The following SGCZ variants were observed in gnomAD, a reference collection of about 807,000 sequenced individuals.
The protein encoded by SGCZ is zeta-sarcoglycan.
Under a neutral mutation model 41.3 loss-of-function variants are expected in SGCZ, and 40 were observed. The ratio of observed to expected loss-of-function variants is 0.97; its 90% CI spans 0.75 to 1.26. SGCZ has a LOEUF of 1.26. Ranked by LOEUF, SGCZ falls within the 50% of genes most tolerant of loss-of-function variation. SGCZ has a pLI of 0.00. For synonymous variants in SGCZ, 206 were observed against 137.5 expected (o/e 1.50, Z -3.49); for missense variants, 552 against 369.8 (o/e 1.49, Z -4.04).
At chr8:15,228,492 T>C (rs1801844550) in intron 1 of SGCZ, among the ~76,000 whole-genome samples, 2 of 152,180 alleles carry the variant, frequency 1.3e-5, no homozygotes, top group Admixed American at 6.5e-5. Flanking sequence ...AAGCACCTGA[T>C]GAAAACATTG....
intron 2 of SGCZ, among the ~76,000 whole-genome samples, chr8:14,417,149 A>G (rs1467962376): frequency 6.6e-6 from 1 of 151,824 alleles, no homozygotes; most frequent in Admixed American, 6.6e-5. Context: ...CTTCTTAGAG[A>G]TAAAACTGAC....
chr8:14,687,510 C>T (rs549011685), intron 1 of SGCZ, among the ~76,000 whole-genome samples: 1 of 151,928 alleles, frequency 6.6e-6, no homozygotes, highest in East Asian at 1.9e-4. Context: ...CATGTCCCTA[C>T]AAAGGACATG....
chr8:14,381,236 C>G (rs996152354), intron 2 of SGCZ, among the ~76,000 whole-genome samples: 16 of 152,218 alleles, frequency 1.1e-4, no homozygotes, highest in African/African-American at 2.9e-4. Flanking sequence ...TACAAAGCTT[C>G]TTGAACAAAG....
intron 3 of SGCZ, among the ~76,000 whole-genome samples, chr8:14,259,932 C>T (rs575717235): frequency 1.3e-5 from 2 of 152,262 alleles, no homozygotes; most frequent in African/African-American, 4.8e-5. Context: ...ATTGATTCTT[C>T]CTACCCATGA....
chr8:15,124,731 AC>A (rs1418083289), intron 1 of SGCZ, among the ~76,000 whole-genome samples: 2 of 152,208 alleles, frequency 1.3e-5, no homozygotes, highest in African/African-American at 4.8e-5. Context: ...AGGTCTAAAT[AC>A]TGGCAAGAAA....
chr8:14,696,335 A>G (rs112974495), intron 1 of SGCZ, among the ~76,000 whole-genome samples: 2 of 152,228 alleles, frequency 1.3e-5, no homozygotes, highest in East Asian at 3.9e-4. Context: ...CACTGAACGC[A>G]AAGATTCTCC....
chr8:14,495,819 T>C (rs926303663), intron 2 of SGCZ, among the ~76,000 whole-genome samples: 27 of 152,090 alleles, frequency 1.8e-4, no homozygotes, highest in African/African-American at 6.3e-4. Context: ...ATCCAAAAGC[T>C]ATGGGCCTAA....
intron 1 of SGCZ, among the ~76,000 whole-genome samples, chr8:15,140,266 C>A (rs1050679361): frequency 6.6e-6 from 1 of 152,150 alleles, no homozygotes; most frequent in African/African-American, 2.4e-5. Context: ...CTCAAGTGAT[C>A]CTCCCACATT....
At chr8:14,235,069 A>G (rs368082246) in intron 4 of SGCZ, among the ~76,000 whole-genome samples, 4 of 152,196 alleles carry the variant, frequency 2.6e-5, no homozygotes, top group African/African-American at 9.7e-5. Context: ...GACACTGACA[A>G]CACCATACTT....
intron 1 of SGCZ, among the ~76,000 whole-genome samples, chr8:14,666,845 C>T (rs1238824907): frequency 6.6e-6 from 1 of 151,984 alleles, no homozygotes; most frequent in Non-Finnish European, 1.5e-5. Flanking sequence ...TAGTAACTCT[C>T]CAGCCTTATT....
At chr8:14,447,342 T>A (rs1274818654) in intron 2 of SGCZ, among the ~76,000 whole-genome samples, 1 of 152,152 alleles carries the variant, frequency 6.6e-6, no homozygotes, top group Non-Finnish European at 1.5e-5. Context: ...ATCAAAAAAA[T>A]ACAAATCTTG....
At chr8:14,946,844 T>C (rs1800466113) in intron 1 of SGCZ, among the ~76,000 whole-genome samples, 1 of 151,670 alleles carries the variant, frequency 6.6e-6, no homozygotes, top group Non-Finnish European at 1.5e-5. Flanking sequence ...CCCAGCTAAT[T>C]TTTGTATTTT....
chr8:14,612,993 G>C (rs997523585), intron 1 of SGCZ, among the ~76,000 whole-genome samples: 1 of 152,070 alleles, frequency 6.6e-6, no homozygotes, highest in Non-Finnish European at 1.5e-5. Context: ...GGAAAAAGCA[G>C]ATTTTTTAAA....
At chr8:14,744,506 T>C (rs534219243) in intron 1 of SGCZ, among the ~76,000 whole-genome samples, 2 of 152,260 alleles carry the variant, frequency 1.3e-5, no homozygotes, top group South Asian at 2.1e-4. Context: ...ACTTCCTTTT[T>C]TTCTGGAGAA....
intron 1 of SGCZ, among the ~76,000 whole-genome samples, chr8:14,598,998 A>C (rs1175479125): frequency 6.6e-6 from 1 of 152,054 alleles, no homozygotes; most frequent in East Asian, 1.9e-4. Flanking sequence ...ATATCCACAT[A>C]ATGTTTAAAA....
intron 1 of SGCZ, among the ~76,000 whole-genome samples, chr8:15,166,763 A>ATTGTCTTGTTTTAATCCTC (rs1563161662): frequency 6.6e-6 from 1 of 152,190 alleles, no homozygotes; most frequent in Admixed American, 6.5e-5. Context: ...TTCACAGACA[A>ATTGTCTTGTTTTAATCCTC]TTGTTGTCTT....
chr8:14,479,798 TGCAATC>T (rs1801482236), intron 2 of SGCZ, among the ~76,000 whole-genome samples: 1 of 145,998 alleles, frequency 6.8e-6, no homozygotes, highest in Non-Finnish European at 1.5e-5. Flanking sequence ...GTGCTTGGAG[TGCAATC>T]GCATGATCTC....
rs34635812 is a variant in SGCZ, at chr8:14,229,886, G to A, written c.424+7706C>T. Among the ~76,000 whole-genome samples the A allele has an allele frequency of 3.3e-5, 5 of 151,864 alleles. No individual in the cohort carries two copies. In the East Asian group the frequency reaches 9.7e-4, roughly 29 times the overall value. ...CATTTAGGAACAAAAACATGTTTAT[G>A]CTTAGCACTAACAAAAATAAGCCGA... On this transcript the variant is annotated intron_variant, in intron 4 of 7. Transcript: ENST00000382080.
intron 4 of SGCZ, among the ~76,000 whole-genome samples, chr8:14,195,662 A>C (rs1805244267): frequency 6.6e-6 from 1 of 152,300 alleles, no homozygotes. Context: ...CATAAATAAA[A>C]GACACTTTTG....
Sources: allele counts gnomAD v4.1 joint callset (sites outside exome capture counted in the v4.1 genomes callset), GRCh38; gene constraint gnomAD v4.1.1; transcripts MANE v1.5; gene names NCBI Gene and HGNC (gene_info 2026-07-23, HGNC 2026-07-21).